Variants in CRAMP1 observed in about 807,000 individuals in gnomAD.
The protein encoded by CRAMP1 is cramped chromatin regulator 1.
CRAMP1 carries 50 observed loss-of-function variants against 115.4 expected under a neutral mutation model. The observed-to-expected ratio is 0.43, with a 90% CI of 0.35 to 0.55. The LOEUF (loss-of-function observed/expected upper bound fraction) is 0.55. Among genes scored for constraint, CRAMP1 ranks in the 20% least tolerant of loss-of-function variants. The pLI, the probability that CRAMP1 is intolerant of heterozygous loss-of-function variation, is 0.01. For synonymous variants in CRAMP1, 866 were observed against 745.4 expected (o/e 1.16, Z -2.64); for missense variants, 1,679 against 1,721.7 (o/e 0.98, Z 0.44).
intron 13 of CRAMP1, among the ~76,000 whole-genome samples, chr16:1,664,343 G>A (rs1188993473): frequency 6.6e-6 from 1 of 152,186 alleles, no homozygotes; most frequent in Admixed American, 6.5e-5. Flanking sequence ...TGTGTTACAA[G>A]CAGTGACTTT....
At chr16:1,632,630 G>A (rs149770456) in intron 4 of CRAMP1, among the ~76,000 whole-genome samples, 19 of 152,370 alleles carry the variant, frequency 1.2e-4, no homozygotes, top group Admixed American at 3.3e-4. Flanking sequence ...GTTTCCAGTG[G>A]CTCTGAGTGT....
At chr16:1,615,133 G>A (rs1302986845) in intron 2 of CRAMP1, 148 bp downstream of exon 2, 2 of 410,084 alleles carry the variant, frequency 4.9e-6, no homozygotes, top group Non-Finnish European at 8.3e-6. Flanking sequence ...GCACTTATGG[G>A]GCATGTGTCC....
chr16:1,667,865 A>C, intron 17 of CRAMP1, 97 bp from the exon 18 acceptor site: 1 of 741,900 alleles, frequency 1.3e-6, no homozygotes, highest in Non-Finnish European at 2.3e-6. Context: ...CACCCTATTG[A>C]TTTGCCTGCA....
Position 1,665,126 on chromosome 16 carries a change from T to C in CRAMP1, c.2740T>C (p.Ser914Pro). The C allele has an allele frequency of 6.2e-7, 1 of 1,610,870 alleles. No homozygotes were observed. The highest frequency in any genetic ancestry group is 1.3e-5 in the African/African-American group (1 of 74,984). ...TTGTTCCTTCTCCATCCTGTCTAAC[T>C]CTTCCGTAACTGGTAAGGACCCTGA... ...NVCSFSILSNSSVTGRGSFRP... is the reference protein window; with the variant it reads ...NVCSFSILSNPSVTGRGSFRP... Residue 914 changes from serine (S) to proline (P), a missense_variant, in exon 14 of 21, where the codon TCT becomes CCT. Ser to Pro is a moderately conservative substitution (Grantham distance 74). Coordinates refer to ENST00000397412, the MANE Select transcript of CRAMP1 (RefSeq NM_020825.4).
chr16:1,659,157 A>T lies in CRAMP1; in HGVS notation c.2236-729A>T, dbSNP rs1362292158. Among the ~76,000 whole-genome samples the T allele has an allele frequency of 2.0e-5, 3 of 152,142 alleles. No individual in the cohort carries two copies. In the East Asian group the frequency reaches 5.8e-4, roughly 29 times the overall value. On this transcript the variant is annotated intron_variant, in intron 10 of 20. Transcript: ENST00000397412. ...AGTCAGCCTATATTTCCTTCCTCTG[A>T]CTCACAAGCAGAGAGGCTGCTGCAG...
At chr16:1,640,992 C>T in intron 5 of CRAMP1, 147 bp from the exon 6 acceptor site, 1 of 589,526 alleles carries the variant, frequency 1.7e-6, no homozygotes, top group Non-Finnish European at 3.0e-6. Context: ...GGAGGGGCTG[C>T]AGCTACTGTA....
At chr16:1,630,882 G>T (rs1008726309) in intron 3 of CRAMP1, among the ~76,000 whole-genome samples, 4 of 152,302 alleles carry the variant, frequency 2.6e-5, no homozygotes, top group African/African-American at 9.6e-5. Flanking sequence ...GTGATACCGT[G>T]TCCTTCTTGG....
At chr16:1,639,348 C>G (rs145229820) in intron 5 of CRAMP1, among the ~76,000 whole-genome samples, 3,076 of 151,590 alleles carry the variant, frequency 0.02, 44 homozygotes, top group Non-Finnish European at 0.029. Context: ...GGAGTGGGCC[C>G]GGACGTAGGG....
chr16:1,648,108 G>C (rs907881789), intron 6 of CRAMP1, among the ~76,000 whole-genome samples: 2 of 151,654 alleles, frequency 1.3e-5, no homozygotes, highest in African/African-American at 2.4e-5. Flanking sequence ...GGTGCACTTA[G>C]TTTGATTGAA....
At chr16:1,635,284 G>A (rs1024007279) in intron 4 of CRAMP1, among the ~76,000 whole-genome samples, 3 of 152,210 alleles carry the variant, frequency 2.0e-5, no homozygotes, top group Admixed American at 6.5e-5. Flanking sequence ...ACAGAGTGGT[G>A]GCAAGCGAGC....
chr16:1,655,818 C>T, intron 9 of CRAMP1, 59 bp from the exon 10 acceptor site: 1 of 1,549,950 alleles, frequency 6.5e-7, no homozygotes, highest in Admixed American at 1.7e-5. Flanking sequence ...ACCCATGTGC[C>T]TGGTCAGCAT....
At chr16:1,642,579 C>T (rs2036641552) in intron 6 of CRAMP1, among the ~76,000 whole-genome samples, 1 of 152,342 alleles carries the variant, frequency 6.6e-6, no homozygotes, top group South Asian at 2.1e-4. Context: ...CCTTCCCACT[C>T]TTGCTCCTGC....
At chr16:1,659,118 G>T (rs1045971910) in intron 10 of CRAMP1, among the ~76,000 whole-genome samples, 2 of 152,196 alleles carry the variant, frequency 1.3e-5, no homozygotes, top group Admixed American at 6.5e-5. Flanking sequence ...CTGTGCTTGT[G>T]TCTGATTCTA....
At chr16:1,623,280 C>T (rs2036480921) in intron 2 of CRAMP1, among the ~76,000 whole-genome samples, 2 of 152,236 alleles carry the variant, frequency 1.3e-5, no homozygotes, top group Admixed American at 6.5e-5. Context: ...GAGTGAGTGC[C>T]GCTTCACCAG....
At chr16:1,657,361 C>G (rs925163927) in intron 10 of CRAMP1, among the ~76,000 whole-genome samples, 1 of 152,208 alleles carries the variant, frequency 6.6e-6, no homozygotes, top group African/African-American at 2.4e-5. Context: ...CCTTGTGAGC[C>G]GCCTCGTGTT....
intron 6 of CRAMP1, among the ~76,000 whole-genome samples, chr16:1,645,752 C>G (rs907425011): frequency 6.6e-6 from 1 of 152,240 alleles, no homozygotes; most frequent in African/African-American, 2.4e-5. Flanking sequence ...TAGTCTCCCG[C>G]TCTCTCTAGC....
chr16:1,670,606 T>A lies in CRAMP1; in HGVS notation c.3500-58T>A. 3 of 1,588,096 alleles carry A rather than the reference T, an allele frequency of 1.9e-6. No homozygotes were observed. The Admixed American group carries it at 5.1e-5, about 27-fold the overall frequency. ...GCCCCCAGCCTCAGGACCCTTCCGC[T>A]GGACTGGTCCAGACCAAGCAGGGTT... On this transcript the variant is annotated intron_variant, in intron 19 of 20. Transcript: ENST00000397412.
chr16:1,636,220 C>T (rs756019725), intron 4 of CRAMP1, among the ~76,000 whole-genome samples: 3 of 152,170 alleles, frequency 2.0e-5, no homozygotes, highest in Non-Finnish European at 4.4e-5. Context: ...AAAATACAAA[C>T]ATTAGCAGGG....
intron 5 of CRAMP1, among the ~76,000 whole-genome samples, chr16:1,640,557 C>T (rs1317323772): frequency 1.3e-5 from 2 of 152,200 alleles, no homozygotes; most frequent in African/African-American, 2.4e-5. Flanking sequence ...CTCCCGTTAA[C>T]GTACTGTAGC....
Sources: allele counts gnomAD v4.1 joint callset (sites outside exome capture counted in the v4.1 genomes callset), GRCh38; gene constraint gnomAD v4.1.1; transcripts MANE v1.5; gene names NCBI Gene and HGNC (gene_info 2026-07-23, HGNC 2026-07-21).